The following KIF13B variants were observed in gnomAD, a reference collection of about 807,000 sequenced individuals.
KIF13B encodes kinesin family member 13B.
Under a neutral mutation model 222.0 loss-of-function variants are expected in KIF13B, and 127 were observed. The ratio of observed to expected loss-of-function variants is 0.57; its 90% CI spans 0.50 to 0.66. The LOEUF (loss-of-function observed/expected upper bound fraction) is 0.66. KIF13B is among the 30% of genes least tolerant of loss of function. The pLI is 0.00. For synonymous variants in KIF13B, 976 were observed against 919.0 expected, an observed-to-expected ratio of 1.06 and a Z score of -1.12; for missense variants, 2,173 against 2,379.0, an observed-to-expected ratio of 0.91 and a Z score of 1.80.
intron 30 of KIF13B, 53 bp downstream of exon 30, chr8:29,118,815 G>A (rs141426112): frequency 1.9e-6 from 3 of 1,589,322 alleles, no homozygotes; most frequent in Non-Finnish European, 2.6e-6. Flanking sequence ...AGCTCGAGGA[G>A]AGGTTAAGGA....
intron 2 of KIF13B, among the ~76,000 whole-genome samples, chr8:29,198,627 A>G (rs1813546777): frequency 2.0e-5 from 3 of 152,048 alleles, no homozygotes; most frequent in Admixed American, 1.3e-4. Flanking sequence ...CCAGGCAGAG[A>G]TTTCTTAAGG....
intron 1 of KIF13B, among the ~76,000 whole-genome samples, chr8:29,261,637 G>A (rs1816682348): frequency 1.3e-5 from 2 of 152,122 alleles, no homozygotes; most frequent in Admixed American, 6.5e-5. Context: ...TTTCAGAATT[G>A]TATCGACGTT....
chr8:29,076,562 G>A (rs1219992378), intron 37 of KIF13B, among the ~76,000 whole-genome samples: 1 of 152,208 alleles, frequency 6.6e-6, no homozygotes, highest in African/African-American at 2.4e-5. Flanking sequence ...TGGGGAGCCT[G>A]GACTCCAGCT....
intron 11 of KIF13B, among the ~76,000 whole-genome samples, chr8:29,166,420 C>T (rs958140496): frequency 3.9e-5 from 6 of 152,080 alleles, no homozygotes; most frequent in South Asian, 2.1e-4. Context: ...GAATCCTGGC[C>T]GAGCACGGTG....
intron 38 of KIF13B, among the ~76,000 whole-genome samples, chr8:29,073,298 C>T (rs533656514): frequency 6.6e-6 from 1 of 152,098 alleles, no homozygotes; most frequent in South Asian, 2.1e-4. Context: ...AGGAAGCAGC[C>T]CCCAGGGAGA....
intron 4 of KIF13B, 40 bp from the exon 5 acceptor site, chr8:29,188,647 A>G (rs1200255982): frequency 2.4e-6 from 3 of 1,275,574 alleles, no homozygotes; most frequent in African/African-American, 2.9e-5. Context: ...TTTTAAGCCA[A>G]AACTACATAT....
chr8:29,077,530 G>A (rs145504953), intron 37 of KIF13B, among the ~76,000 whole-genome samples: 48 of 152,326 alleles, frequency 3.2e-4, no homozygotes, highest in African/African-American at 1.1e-3. Flanking sequence ...GGACAAGATT[G>A]GGGAACAACT....
At chr8:29,129,280 G>C (rs1240824533) in intron 24 of KIF13B, among the ~76,000 whole-genome samples, 1 of 152,172 alleles carries the variant, frequency 6.6e-6, no homozygotes, top group African/African-American at 2.4e-5. Context: ...CCTTCCAGTA[G>C]ATGAATTTCT....
intron 2 of KIF13B, among the ~76,000 whole-genome samples, chr8:29,226,411 G>A (rs1458877469): frequency 6.6e-6 from 1 of 152,146 alleles, no homozygotes; most frequent in Admixed American, 6.5e-5. Context: ...CTTTTTACTG[G>A]GCGGGTTCAG....
rs553158363 is a variant in KIF13B at position 29,147,388 on chromosome 8, C to A, written c.2024+4G>T. On this transcript the variant is annotated splice_donor_region_variant and intron_variant, in intron 17 of 39. Transcript: ENST00000524189. ...AAGTTAACAGGCCCCTCTGTGCCGC[C>A]TACCTCTCCTCAGCCCACTGTCTTA... is the stretch of plus-strand genomic sequence containing the variant. 3 of 1,597,046 alleles carry A rather than the reference C, an allele frequency of 1.9e-6. No individual in the cohort carries two copies. Among genetic ancestry groups the A allele is most frequent in the Non-Finnish European group, 2.6e-6 (3 of 1,172,078 alleles).
In KIF13B at chr8:29,069,219, A is replaced by C. The variant is rs1807136959; in HGVS notation, c.*1285T>G. ...ACCCCCATCCCACAAACCTGGCACC[A>C]AAGGCTCTGGGAGCATAAGTGCCCC... On this transcript the variant is annotated 3_prime_UTR_variant, in exon 40 of 40. Coordinates refer to ENST00000524189, the MANE Select transcript of KIF13B (RefSeq NM_015254.4). The C allele has an allele frequency of 6.6e-6, 1 of 152,260 alleles. No individual in the cohort carries two copies. The highest frequency in any genetic ancestry group is 2.1e-4 in the South Asian group (1 of 4,828). The allele number at this position is 152,260 out of a possible 1,614,324, so 9.4% of individuals were successfully genotyped here.
intron 6 of KIF13B, among the ~76,000 whole-genome samples, chr8:29,185,642 G>A (rs368219332): frequency 6.6e-6 from 1 of 152,284 alleles, no homozygotes; most frequent in East Asian, 1.9e-4. Flanking sequence ...TCTTTTCCTT[G>A]ATCATCTTCC....
chr8:29,099,268 G>C, intron 35 of KIF13B, 27 bp from the exon 36 acceptor site: 1 of 1,511,858 alleles, frequency 6.6e-7, no homozygotes, highest in Non-Finnish European at 9.0e-7. Context: ...TGGCAATTTT[G>C]TTTCAAGTTA....
At chr8:29,209,863 G>A (rs1666141869) in intron 2 of KIF13B, among the ~76,000 whole-genome samples, 1 of 140,884 alleles carries the variant, frequency 7.1e-6, no homozygotes, top group South Asian at 2.3e-4. Context: ...ACCAGTCTGG[G>A]CAGTGAGACC....
chr8:29,199,321 C>T (rs1017826677), intron 2 of KIF13B, among the ~76,000 whole-genome samples: 18 of 152,148 alleles, frequency 1.2e-4, no homozygotes, highest in Non-Finnish European at 2.2e-4. Flanking sequence ...CTCATGATAA[C>T]TTTGCAAGAT....
In KIF13B at chr8:29,112,399, C is replaced by T. The variant is rs1809398791; in HGVS notation, c.3930+1064G>A. ...AGTGAGCCAAGATCACACCACTGCACTCCAACCTGGTGACAGAGCGAGACT... is the reference window on the plus strand; with the variant it reads ...AGTGAGCCAAGATCACACCACTGCATTCCAACCTGGTGACAGAGCGAGACT... On this transcript the variant is annotated intron_variant, in intron 32 of 39. Coordinates refer to ENST00000524189, the MANE Select transcript of KIF13B (RefSeq NM_015254.4). Among the ~76,000 whole-genome samples, 4 of 144,860 alleles carry T rather than the reference C, an allele frequency of 2.8e-5. No homozygotes were observed. The Admixed American group carries it at 2.9e-4, about 10-fold the overall frequency.
At position 29,184,890 on chromosome 8, in the gene KIF13B, A is replaced by AATTATATCCTACT. The variant is rs1219769319; in HGVS notation, c.497+1401_497+1402insAGTAGGATATAAT. Among the ~76,000 whole-genome samples, 7 of 152,280 alleles carry AATTATATCCTACT rather than the reference A, an allele frequency of 4.6e-5. No individual in the cohort carries two copies. The East Asian group carries it at 1.3e-3, about 29-fold the overall frequency. On this transcript the variant is annotated intron_variant, in intron 6 of 39. Transcript: ENST00000524189. ...AACAAAGAAAAAAATATACAGGGAT[A>AATTATATCCTACT]TAATATTAAGTAGGATGTGGGTACC...
chr8:29,092,723 C>A, intron 37 of KIF13B, 22 bp downstream of exon 37: 2 of 1,599,232 alleles, frequency 1.3e-6, no homozygotes, highest in Non-Finnish European at 1.7e-6. Flanking sequence ...ACGTTCACAG[C>A]TGTTTTCTCG....
chr8:29,088,192 A>G (rs1437784165), intron 37 of KIF13B, among the ~76,000 whole-genome samples: 1 of 151,980 alleles, frequency 6.6e-6, no homozygotes, highest in African/African-American at 2.4e-5. Context: ...CTTGAACCTG[A>G]GAAGCAGAGG....
Sources: gnomAD v4.1 joint callset for allele counts (sites outside exome capture counted in the v4.1 genomes callset) on GRCh38, gnomAD v4.1.1 for gene constraint, MANE v1.5 for transcripts, NCBI Gene and HGNC (gene_info 2026-07-23, HGNC 2026-07-21) for gene names.